NDUFAF6: variants seen among roughly 807,000 people sequenced by gnomAD.
NDUFAF6 encodes NADH dehydrogenase (ubiquinone) complex I, assembly factor 6.
A neutral mutation model predicts 40.8 loss-of-function variants in NDUFAF6; 45 were observed. The observed-to-expected ratio is 1.10, with a 90% confidence interval of 0.87 to 1.42. The LOEUF (loss-of-function observed/expected upper bound fraction) is 1.42. Ranked by LOEUF, NDUFAF6 falls within the 40% of genes most tolerant of loss-of-function variation. The pLI is 0.00. For synonymous variants in NDUFAF6, 185 were observed against 155.9 expected (o/e 1.19, Z -1.39); for missense variants, 435 against 418.5 (o/e 1.04, Z -0.34).
At chr8:95,081,220 A>C (rs912912343) in intron 2 of NDUFAF6, among the ~76,000 whole-genome samples, 1 of 123,300 alleles carries the variant, frequency 8.1e-6, no homozygotes, top group East Asian at 2.4e-4. Context: ...GCTGGAGTGC[A>C]GTGGTGCGAT....
chr8:94,951,183 C>G (rs770250769), intron 2 of NDUFAF6: 4 of 152,210 alleles, frequency 2.6e-5, no homozygotes, highest in Non-Finnish European at 5.9e-5. Context: ...CTGCTAGCCA[C>G]AGGGAGAGGC....
chr8:94,904,723 T>C (rs780978735), intron 1 of NDUFAF6, among the ~76,000 whole-genome samples: 18 of 152,236 alleles, frequency 1.2e-4, no homozygotes, highest in Admixed American at 5.2e-4. Context: ...TCTTTCCTGT[T>C]TCTTTCCTAA....
chr8:95,088,689 T>TTGTGTG (rs545260109), intron 2 of NDUFAF6, among the ~76,000 whole-genome samples: 7,819 of 142,198 alleles, frequency 0.055, 268 homozygotes, highest in Non-Finnish European at 0.078. Flanking sequence ...TTTTGGGGTT[T>TTGTGTG]TGTGTGTGTG....
chr8:95,005,052 A>G (rs1826900432), intron 2 of NDUFAF6, among the ~76,000 whole-genome samples: 1 of 152,332 alleles, frequency 6.6e-6, no homozygotes, highest in South Asian at 2.1e-4. Context: ...TAGAAATAGC[A>G]GGATTTTTAG....
intron 1 of NDUFAF6, among the ~76,000 whole-genome samples, chr8:94,936,660 A>T (rs1821004831): frequency 6.6e-6 from 1 of 152,056 alleles, no homozygotes; most frequent in Non-Finnish European, 1.5e-5. Flanking sequence ...TTTTAAAGGG[A>T]TGGCTTCCAT....
intron 1 of NDUFAF6, chr8:94,941,140 T>C (rs1821490019): frequency 3.5e-6 from 2 of 567,060 alleles, no homozygotes; most frequent in Admixed American, 3.4e-5. Context: ...CATGCACATA[T>C]ATACATAAGT....
intron 1 of NDUFAF6, among the ~76,000 whole-genome samples, chr8:95,031,744 G>A (rs1302478046): frequency 6.6e-6 from 1 of 152,138 alleles, no homozygotes; most frequent in African/African-American, 2.4e-5. Flanking sequence ...GGGATTAGAG[G>A]CACATGCCAC....
chr8:95,078,658 A>ATATATATATATAT (rs1434290595), downstream of NDUFAF6: 1 of 62,638 alleles, frequency 1.6e-5, no homozygotes, highest in African/African-American at 5.1e-5. Flanking sequence ...TTAAAAAAAA[A>ATATATATATATAT]AAAAATATAT....
chr8:95,084,325 C>G (rs1333411955), intron 2 of NDUFAF6, among the ~76,000 whole-genome samples: 1 of 151,914 alleles, frequency 6.6e-6, no homozygotes, highest in East Asian at 1.9e-4. Flanking sequence ...GTACATATCT[C>G]TAAAAGATAA....
intron 1 of NDUFAF6, among the ~76,000 whole-genome samples, chr8:94,967,149 C>T (rs969017240): frequency 1.3e-5 from 2 of 152,192 alleles, no homozygotes; most frequent in Non-Finnish European, 1.5e-5. Flanking sequence ...CATTAGGATG[C>T]TTTTAGTTAC....
chr8:94,992,121 G>C (rs1371836883), intron 2 of NDUFAF6, among the ~76,000 whole-genome samples: 4 of 152,202 alleles, frequency 2.6e-5, no homozygotes, highest in Admixed American at 2.6e-4. Flanking sequence ...AGGGTGTACA[G>C]TAAACTATTA....
intron 2 of NDUFAF6, among the ~76,000 whole-genome samples, chr8:95,082,077 A>G (rs1808888727): frequency 6.7e-6 from 1 of 148,166 alleles, no homozygotes; most frequent in African/African-American, 2.4e-5. Flanking sequence ...AAAAAACAAC[A>G]AAAAAAAAAA....
chr8:95,043,637 G>A (rs1830395569), intron 4 of NDUFAF6, among the ~76,000 whole-genome samples: 1 of 152,082 alleles, frequency 6.6e-6, no homozygotes, highest in Non-Finnish European at 1.5e-5. Context: ...AAGATGTTCA[G>A]CATCTTTTCA....
intron 2 of NDUFAF6, among the ~76,000 whole-genome samples, chr8:95,092,096 G>A (rs768489397): frequency 6.6e-6 from 1 of 151,530 alleles, no homozygotes. Context: ...ACTGCACTCC[G>A]AGTTTTGAGT....
chr8:95,040,362 A>G (rs1429434823), intron 3 of NDUFAF6, among the ~76,000 whole-genome samples: 3 of 152,088 alleles, frequency 2.0e-5, no homozygotes, highest in Admixed American at 1.3e-4. Context: ...CTTAGTCACA[A>G]TTTTGCCTGG....
At chr8:95,052,260 AT>A in intron 8 of NDUFAF6, 30 bp downstream of exon 8, 1 of 1,600,610 alleles carries the variant, frequency 6.2e-7, no homozygotes, top group Non-Finnish European at 8.6e-7. Flanking sequence ...AGGCTGTATA[AT>A]TAGTGAAGCA....
chr8:94,968,903 G>A (rs1824233748), intron 1 of NDUFAF6, among the ~76,000 whole-genome samples: 1 of 152,204 alleles, frequency 6.6e-6, no homozygotes, highest in Non-Finnish European at 1.5e-5. Flanking sequence ...GGGTGGGACA[G>A]AAGGAGGAGT....
At chr8:94,930,496 G>A (rs753451554) in intron 1 of NDUFAF6, 6 of 1,614,066 alleles carry the variant, frequency 3.7e-6, no homozygotes, top group South Asian at 2.2e-5. Context: ...TTGTACTGAC[G>A]CGGGCAGGGC....
chr8:95,031,933 A>T, intron 1 of NDUFAF6, 62 bp from the exon 2 acceptor site: 3 of 1,477,136 alleles, frequency 2.0e-6, no homozygotes, highest in Non-Finnish European at 2.8e-6. Context: ...AATTTTAGTC[A>T]GTATTTTTTT....
Sources: allele counts gnomAD v4.1 joint callset (sites outside exome capture counted in the v4.1 genomes callset), GRCh38; gene constraint gnomAD v4.1.1; transcripts MANE v1.5; gene names NCBI Gene and HGNC (gene_info 2026-07-23, HGNC 2026-07-21).